CTNNA2: variants seen among roughly 807,000 people sequenced by gnomAD.
CTNNA2 encodes the protein catenin alpha 2, also known as catenin alpha-2.
In CTNNA2, 42 loss-of-function variants were observed where a neutral mutation model predicts 101.0. The ratio of observed to expected loss-of-function variants is 0.42; its 90% CI spans 0.32 to 0.54. The LOEUF (loss-of-function observed/expected upper bound fraction) is 0.54. Ranked by LOEUF, CTNNA2 falls within the 20% of genes least tolerant of loss-of-function variation. The pLI, the probability that CTNNA2 is intolerant of heterozygous loss-of-function variation, is 0.14. For synonymous variants in CTNNA2, 450 were observed against 456.4 expected (o/e 0.99, Z 0.18); for missense variants, 871 against 1,223.1 (o/e 0.71, Z 4.29).
chr2:80,060,482 T>C (rs1217117797), intron 7 of CTNNA2, among the ~76,000 whole-genome samples: 1 of 152,176 alleles, frequency 6.6e-6, no homozygotes, highest in Non-Finnish European at 1.5e-5. Flanking sequence ...AACCATTCAA[T>C]ATCTCCTATT....
At chr2:80,075,349 G>A (rs1254406960) in intron 7 of CTNNA2, among the ~76,000 whole-genome samples, 1 of 151,436 alleles carries the variant, frequency 6.6e-6, no homozygotes, top group Non-Finnish European at 1.5e-5. Context: ...TTCTACTCTG[G>A]GCTCTCCAAC....
chr2:80,565,702 T>C (rs1219773551), intron 12 of CTNNA2, among the ~76,000 whole-genome samples: 1 of 152,110 alleles, frequency 6.6e-6, no homozygotes, highest in African/African-American at 2.4e-5. Flanking sequence ...GTGGTAATCA[T>C]CTGACATGCA....
chr2:79,445,578 T>A (rs972375790), intron 4 of CTNNA2, among the ~76,000 whole-genome samples: 20 of 152,162 alleles, frequency 1.3e-4, no homozygotes, highest in East Asian at 9.6e-4. Flanking sequence ...AAAATTAACT[T>A]CAAACATATC....
intron 6 of CTNNA2, among the ~76,000 whole-genome samples, chr2:79,889,342 T>C (rs17018092): frequency 0.012 from 1,768 of 152,352 alleles, 45 homozygotes; most frequent in African/African-American, 0.04. Flanking sequence ...CCAAATGTTC[T>C]CTGATACTGT....
intron 2 of CTNNA2, among the ~76,000 whole-genome samples, chr2:79,698,625 T>G (rs2104742283): frequency 6.6e-6 from 1 of 152,186 alleles, no homozygotes; most frequent in Non-Finnish European, 1.5e-5. Context: ...CCCAAAATAT[T>G]AGTGAAAATT....
At chr2:79,438,453 A>G (rs1678741302) in intron 4 of CTNNA2, among the ~76,000 whole-genome samples, 1 of 152,154 alleles carries the variant, frequency 6.6e-6, no homozygotes, top group Admixed American at 6.5e-5. Context: ...GGAAAACAGG[A>G]TGGTCGGCCC....
chr2:80,609,800 T>G (rs1698311580), intron 17 of CTNNA2, among the ~76,000 whole-genome samples: 1 of 151,750 alleles, frequency 6.6e-6, no homozygotes, highest in South Asian at 2.1e-4. Flanking sequence ...TTTGTGGATC[T>G]CAGACTCCAC....
intron 11 of CTNNA2, among the ~76,000 whole-genome samples, chr2:80,548,123 G>A (rs1692254043): frequency 6.6e-6 from 1 of 152,064 alleles, no homozygotes; most frequent in East Asian, 1.9e-4. Context: ...TCGTAATTTG[G>A]TTGATGGGGA....
intron 9 of CTNNA2, among the ~76,000 whole-genome samples, chr2:80,462,106 A>T (rs530606163): frequency 6.6e-6 from 1 of 152,322 alleles, no homozygotes; most frequent in South Asian, 2.1e-4. Flanking sequence ...AACACTTTTA[A>T]TTGAACTCCT....
chr2:79,747,337 AT>A (rs1031778252), intron 3 of CTNNA2, among the ~76,000 whole-genome samples: 3 of 151,964 alleles, frequency 2.0e-5, no homozygotes, highest in African/African-American at 7.2e-5. Flanking sequence ...TAGTTGTTTT[AT>A]TTTTTTCTTT....
In CTNNA2 at chr2:79,226,837, T is replaced by C. The variant is rs528639552; in HGVS notation, c.-406+28761T>C. ...GATGGTGGCAGAGCTCATGGGGATG[T>C]TTCTGAGATACAGGTAACTTCATCT... On this transcript the variant is annotated intron_variant, in intron 2 of 21. Transcript: ENST00000466387. Among the ~76,000 whole-genome samples, 3 of 152,252 alleles carry C rather than the reference T, an allele frequency of 2.0e-5. No individual in the cohort carries two copies. In the South Asian group the frequency reaches 6.2e-4, roughly 32 times the overall value.
chr2:79,453,203 C>T (rs950495596), intron 4 of CTNNA2, among the ~76,000 whole-genome samples: 43 of 152,174 alleles, frequency 2.8e-4, no homozygotes, highest in African/African-American at 9.4e-4. Flanking sequence ...TATATAAATA[C>T]TATGTACACT....
intron 4 of CTNNA2, among the ~76,000 whole-genome samples, chr2:79,390,620 A>G (rs1347077308): frequency 3.3e-5 from 5 of 152,140 alleles, no homozygotes; most frequent in Non-Finnish European, 7.4e-5. Context: ...GTGGCGTCAG[A>G]GTAAGTTCCC....
intron 2 of CTNNA2, among the ~76,000 whole-genome samples, chr2:79,211,636 C>T (rs955483206): frequency 6.6e-6 from 1 of 152,126 alleles, no homozygotes; most frequent in Non-Finnish European, 1.5e-5. Context: ...AAGGCAGGAA[C>T]AGGCCATTTT....
intron 7 of CTNNA2, among the ~76,000 whole-genome samples, chr2:80,349,169 A>G (rs973985217): frequency 1.3e-5 from 2 of 152,110 alleles, no homozygotes; most frequent in African/African-American, 4.8e-5. Flanking sequence ...CCTGATGAAG[A>G]CTGGAATTGT....
chr2:80,358,463 G>T (rs1674068130), intron 7 of CTNNA2, among the ~76,000 whole-genome samples: 1 of 147,948 alleles, frequency 6.8e-6, no homozygotes, highest in Non-Finnish European at 1.5e-5. Flanking sequence ...CAATTCTCCT[G>T]CCTCAGCCTC....
chr2:79,958,073 C>T (rs529584359), intron 7 of CTNNA2, among the ~76,000 whole-genome samples: 11 of 152,282 alleles, frequency 7.2e-5, no homozygotes, highest in African/African-American at 1.7e-4. Flanking sequence ...CATTCTGTTG[C>T]GCACATCCCA....
chr2:79,787,021 A>G (rs998783623), intron 3 of CTNNA2, among the ~76,000 whole-genome samples: 6 of 151,968 alleles, frequency 3.9e-5, no homozygotes, highest in African/African-American at 1.2e-4. Context: ...CTCCTCTATA[A>G]TCTCACTCAT....
chr2:80,627,286 C>G (rs375280194), intron 18 of CTNNA2, among the ~76,000 whole-genome samples: 1 of 152,168 alleles, frequency 6.6e-6, no homozygotes, highest in Non-Finnish European at 1.5e-5. Flanking sequence ...CTTGAAGAAT[C>G]GCCACACTGT....
Sources: allele counts gnomAD v4.1 joint callset (sites outside exome capture counted in the v4.1 genomes callset), GRCh38; gene constraint gnomAD v4.1.1; transcripts MANE v1.5; gene names NCBI Gene and HGNC (gene_info 2026-07-23, HGNC 2026-07-21).